EVI5L: variants seen among roughly 807,000 people sequenced by gnomAD.
The protein encoded by EVI5L is ecotropic viral integration site 5 like, also known as EVI5-like protein.
In EVI5L, 30 loss-of-function variants were observed where a neutral mutation model predicts 106.1. That is an observed-to-expected ratio of 0.28 (90% confidence interval 0.21 to 0.38). The LOEUF is 0.38. Ranked by LOEUF, EVI5L falls within the 10% of genes least tolerant of loss-of-function variation. The probability of loss-of-function intolerance (pLI) is 1.00; values close to 1 mark genes in which losing one functional copy is unlikely to be tolerated. For missense variants in EVI5L, 809 were observed against 1,098.0 expected, an observed-to-expected ratio of 0.74 and a Z score of 3.72; for synonymous variants, 489 against 483.3, an observed-to-expected ratio of 1.01 and a Z score of -0.15.
intron 13 of EVI5L, among the ~76,000 whole-genome samples, chr19:7,859,679 C>T (rs1312483060): frequency 6.6e-6 from 1 of 152,226 alleles, no homozygotes; most frequent in African/African-American, 2.4e-5. Flanking sequence ...TGCATGAGGC[C>T]GCCTTTCAGG....
rs1437851270 is a variant in EVI5L at position 7,850,371 on chromosome 19, C to A, written c.753+249C>A. On this transcript the variant is annotated intron_variant, in intron 6 of 19. Transcript: ENST00000538904. The surrounding 1 kb of genome is among the most constrained non-coding windows in gnomAD (Gnocchi z 5.4). The stretch of plus-strand genomic sequence containing the variant: ...CAGGAGAGCCACCACTGAAGGGGGG[C>A]TCCCAGGGCTGCTGAGGCAGAGGGG... 6.6e-6 allele frequency among the ~76,000 whole-genome samples: 1 copy of A among 152,156 alleles called. No homozygotes were observed. The highest frequency in any genetic ancestry group is 6.5e-5 in the Admixed American group (1 of 15,272).
Position 7,863,502 on chromosome 19 carries a change from G to T in EVI5L, c.2218G>T (p.Glu740Ter). ...GCTGAGCCTGGCGCGGCACTTGGACGAGGACTCGCTGCCGTCGTCGGACGA... is the reference window on the plus strand; with the variant it reads ...GCTGAGCCTGGCGCGGCACTTGGACTAGGACTCGCTGCCGTCGTCGGACGA... ...DGLSLARHLD[E>*]DSLPSSDEEL... The change falls in exon 20 of 20, where the codon GAG (glutamate) becomes TAG (stop). Residue 740 changes from glutamate (E) to a stop codon, truncating the protein, a stop_gained. Coordinates refer to ENST00000538904, the MANE Select transcript of EVI5L (RefSeq NM_001159944.3). LOFTEE classifies it high-confidence loss of function. The surrounding 1 kb of genome is among the most constrained non-coding windows in gnomAD (Gnocchi z 7.7). 2 of 1,587,276 alleles carry T rather than the reference G, an allele frequency of 1.3e-6. No individual in the cohort carries two copies. Among genetic ancestry groups the T allele is most frequent in the Non-Finnish European group, 1.7e-6 (2 of 1,167,826 alleles).
chr19:7,839,672 C>T (rs1413252807), intron 1 of EVI5L, among the ~76,000 whole-genome samples: 1 of 152,014 alleles, frequency 6.6e-6, no homozygotes, highest in East Asian at 1.9e-4. Context: ...ACCTGTGATC[C>T]CAGCACTCTG....
chr19:7,841,913 C>T (rs1054930162), intron 1 of EVI5L, among the ~76,000 whole-genome samples: 1 of 152,212 alleles, frequency 6.6e-6, no homozygotes, highest in African/African-American at 2.4e-5. Flanking sequence ...GGTGCAGGGT[C>T]GCCCACAGAA....
chr19:7,843,149 AGCGAATAGGCATGG>A (rs1978736118), intron 1 of EVI5L, among the ~76,000 whole-genome samples: 1 of 117,610 alleles, frequency 8.5e-6, no homozygotes, highest in South Asian at 2.8e-4. Context: ...TAGGTGTGTG[AGCGAATAGGCATGG>A]GTGTGTGTGT....
chr19:7,846,750 G>T, intron 2 of EVI5L, 71 bp downstream of exon 2: 2 of 1,550,802 alleles, frequency 1.3e-6, no homozygotes, highest in Non-Finnish European at 8.7e-7. Context: ...GTTCCCAGGT[G>T]CCCTCACATT....
At chr19:7,843,063 A>T (rs1331419868) in intron 1 of EVI5L, among the ~76,000 whole-genome samples, 1 of 123,370 alleles carries the variant, frequency 8.1e-6, no homozygotes, top group Non-Finnish European at 1.7e-5. Flanking sequence ...TGTGTCGAGT[A>T]TGTGCATGTG....
chr19:7,863,386 G>A lies in EVI5L; in HGVS notation c.2140-38G>A. 1 of 1,532,462 alleles carries A rather than the reference G, an allele frequency of 6.5e-7. No individual in the cohort carries two copies. Among genetic ancestry groups the A allele is most frequent in the Non-Finnish European group, 8.8e-7 (1 of 1,139,586 alleles). The allele number at this position is 1,532,462 out of a possible 1,614,324, so 94.9% of individuals were successfully genotyped here. The stretch of plus-strand genomic sequence containing the variant: ...ATGCGGCTGGGAGGGCGGGGCAGAA[G>A]GCCGGTCCACGCCTGCAGCGCCGGT... On this transcript the variant is annotated intron_variant, in intron 19 of 19. Coordinates refer to ENST00000538904, the MANE Select transcript of EVI5L (RefSeq NM_001159944.3). The surrounding 1 kb of genome is among the most constrained non-coding windows in gnomAD (Gnocchi z 7.7).
At position 7,857,023 on chromosome 19, in the gene EVI5L, C is replaced by G; in HGVS notation, c.1201-69C>G. 10 of 1,508,682 alleles carry G rather than the reference C, an allele frequency of 6.6e-6. No individual in the cohort carries two copies. The highest frequency in any genetic ancestry group is 9.0e-6 in the Non-Finnish European group (10 of 1,107,852). 93.5% of individuals were successfully genotyped at this position (1,508,682 alleles called of 1,614,324 possible). On this transcript the variant is annotated intron_variant, in intron 11 of 19. Coordinates refer to ENST00000538904, the MANE Select transcript of EVI5L (RefSeq NM_001159944.3). This position sits in a 1 kb window ranked among gnomAD's most constrained non-coding sequence, Gnocchi z 4.5. ...TGACAAGTGGTTCTTGTCTGTCTCC[C>G]CTCTCCTGTCCCCGCGCCTTCCGCT...
chr19:7,849,971 C>A, intron 5 of EVI5L, 26 bp from the exon 6 acceptor site: 1 of 1,559,596 alleles, frequency 6.4e-7, no homozygotes, highest in East Asian at 2.3e-5. Flanking sequence ...CTGCCCTGAG[C>A]CCCCCCACCT....
rs750669871 is a variant in EVI5L, at chr19:7,849,340, TG to T, written c.627+16del. 4.3e-6 allele frequency: 7 copies of T among 1,613,696 alleles called. No individual in the cohort carries two copies. The highest frequency in any genetic ancestry group is 1.1e-5 in the South Asian group (1 of 91,080). On this transcript the variant is annotated intron_variant, in intron 5 of 19. Transcript: ENST00000538904. ...CCTGCTCCTCATGCAGGTAGGTGGC[TG>T]GGGGGTGGCTGGGCTCCTGCCAGAC... is the stretch of plus-strand genomic sequence containing the variant.
rs1980037566 is a variant in EVI5L at position 7,864,708 on chromosome 19, A to C, written c.*1006A>C. ...TTCCCCCGGCCCCCCGGGCCTCATGACCCTGGGGGCTGCCCCCCTCGGTGC... is the reference window on the plus strand; with the variant it reads ...TTCCCCCGGCCCCCCGGGCCTCATGCCCCTGGGGGCTGCCCCCCTCGGTGC... On this transcript the variant is annotated 3_prime_UTR_variant, in exon 20 of 20. Transcript: ENST00000538904. The surrounding 1 kb of genome is among the most constrained non-coding windows in gnomAD (Gnocchi z 4.5). The C allele has an allele frequency of 1.3e-5, 2 of 148,866 alleles. No individual in the cohort carries two copies. The highest frequency in any genetic ancestry group is 1.5e-5 in the Non-Finnish European group (1 of 67,142). 9.2% of individuals were successfully genotyped at this position (148,866 alleles called of 1,614,324 possible).
At chr19:7,833,689 C>T (rs1447752770) in intron 1 of EVI5L, among the ~76,000 whole-genome samples, 1 of 152,214 alleles carries the variant, frequency 6.6e-6, no homozygotes, top group Admixed American at 6.5e-5. Flanking sequence ...CCCTGTACTT[C>T]CTTTGATAGG....
chr19:7,842,098 GAA>G (rs1421270723), intron 1 of EVI5L, among the ~76,000 whole-genome samples: 11 of 152,252 alleles, frequency 7.2e-5, no homozygotes, highest in Middle Eastern at 3.4e-3. Context: ...TGAGAAGTGT[GAA>G]AGAGTATGTG....
Position 7,863,808 on chromosome 19 carries a change from CTG to C in EVI5L, c.*109_*110del. On this transcript the variant is annotated 3_prime_UTR_variant, in exon 20 of 20. Coordinates refer to ENST00000538904, the MANE Select transcript of EVI5L (RefSeq NM_001159944.3). This position sits in a 1 kb window ranked among gnomAD's most constrained non-coding sequence, Gnocchi z 7.7. ...CCGCACTTGACAAACTACGCGCCCT[CTG>C]TGGCTCGGCCACCCCTAAAGCGAGG... The C allele has an allele frequency of 7.2e-7, 1 of 1,386,786 alleles. No individual in the cohort carries two copies. The highest frequency in any genetic ancestry group is 2.7e-5 in the East Asian group (1 of 36,774). The allele number at this position is 1,386,786 out of a possible 1,614,324, so 85.9% of individuals were successfully genotyped here.
At position 7,858,344 on chromosome 19, in the gene EVI5L, G is replaced by A; in HGVS notation, c.1374+13G>A. On this transcript the variant is annotated intron_variant, in intron 13 of 19. Transcript: ENST00000538904. The surrounding 1 kb of genome is among the most constrained non-coding windows in gnomAD (Gnocchi z 5.7). ...ACAGGAGCAGCAGGTAGGGGCGGGT[G>A]TGCGGGGCTGCTGGGCGGGGCCATG... The A allele has an allele frequency of 1.3e-6, 2 of 1,540,948 alleles. No homozygotes were observed. Among genetic ancestry groups the A allele is most frequent in the Non-Finnish European group, 1.7e-6 (2 of 1,145,478 alleles).
chr19:7,858,127 C>T lies in EVI5L; in HGVS notation c.1234-64C>T, dbSNP rs982317626. ...CTGGGCCTCCCCCTGTGGCGGGAGGCAGGGCCTTGGGTGGGAGCCGAGGGT... is the reference window on the plus strand; with the variant it reads ...CTGGGCCTCCCCCTGTGGCGGGAGGTAGGGCCTTGGGTGGGAGCCGAGGGT... On this transcript the variant is annotated intron_variant, in intron 12 of 19. Transcript: ENST00000538904. The surrounding 1 kb of genome is among the most constrained non-coding windows in gnomAD (Gnocchi z 5.7). 7.9e-6 allele frequency: 12 copies of T among 1,519,982 alleles called. No homozygotes were observed. The highest frequency in any genetic ancestry group is 1.1e-5 in the Non-Finnish European group (12 of 1,130,520). 94.2% of individuals were successfully genotyped at this position (1,519,982 alleles called of 1,614,324 possible). A position where few individuals can be genotyped will look rare whatever the true frequency, so the allele number is the denominator to read the frequency against.
chr19:7,863,084 G>A lies in EVI5L; in HGVS notation c.2043+17G>A, dbSNP rs1166242304. The A allele has an allele frequency of 2.4e-6, 3 of 1,232,940 alleles. No individual in the cohort carries two copies. The highest frequency in any genetic ancestry group is 1.5e-5 in the African/African-American group (1 of 65,014). 76.4% of individuals were successfully genotyped at this position (1,232,940 alleles called of 1,614,324 possible). On this transcript the variant is annotated intron_variant, in intron 18 of 19. Coordinates refer to ENST00000538904, the MANE Select transcript of EVI5L (RefSeq NM_001159944.3). The surrounding 1 kb of genome is among the most constrained non-coding windows in gnomAD (Gnocchi z 7.7). ...GAGATCCAGGTGATCGGCGGGGCCG[G>A]GGTCGGGGGGCGGGGGCGGGGGCAG...
At position 7,863,293 on chromosome 19, in the gene EVI5L, G is replaced by A. The variant is rs1365454657; in HGVS notation, c.2139+13G>A. 3.2e-6 allele frequency: 5 copies of A among 1,551,478 alleles called. No homozygotes were observed. The East Asian group carries it at 7.3e-5, about 23-fold the overall frequency. ...GCTGAAGGCCGAGGTGAGCCGGCGC[G>A]GGGATGCCGGGGACAGGCCTGGGTG... On this transcript the variant is annotated intron_variant, in intron 19 of 19. Coordinates refer to ENST00000538904, the MANE Select transcript of EVI5L (RefSeq NM_001159944.3). This position sits in a 1 kb window ranked among gnomAD's most constrained non-coding sequence, Gnocchi z 7.7.
Sources: gnomAD v4.1 joint callset for allele counts (sites outside exome capture counted in the v4.1 genomes callset) on GRCh38, gnomAD v4.1.1 for gene constraint, Gnocchi (gnomAD v3.1) non-coding constraint, MANE v1.5 for transcripts, NCBI Gene and HGNC (gene_info 2026-07-23, HGNC 2026-07-21) for gene names.